Variants in RGS6 observed in about 807,000 individuals in gnomAD.
The protein encoded by RGS6 is regulator of G protein signaling 6, also known as regulator of G-protein signaling 6.
RGS6 carries 30 observed loss-of-function variants against 78.5 expected under a neutral mutation model. The observed-to-expected ratio is 0.38, with a 90% CI of 0.29 to 0.52. RGS6 has a LOEUF of 0.52. Ranked by LOEUF, RGS6 falls within the 20% of genes least tolerant of loss-of-function variation. RGS6 has a pLI of 0.85. For missense variants in RGS6, 495 were observed against 609.7 expected (o/e 0.81, Z 1.98); for synonymous variants, 206 against 206.0 (o/e 1.00, Z 0.00).
At chr14:72,445,389 C>T (rs2095338506) in intron 3 of RGS6, among the ~76,000 whole-genome samples, 1 of 152,122 alleles carries the variant, frequency 6.6e-6, no homozygotes, top group Non-Finnish European at 1.5e-5. Flanking sequence ...AGGGTTTCAC[C>T]ATGTTGGCCA....
At chr14:72,119,491 T>C (rs545617022) in intron 2 of RGS6, among the ~76,000 whole-genome samples, 34 of 152,332 alleles carry the variant, frequency 2.2e-4, no homozygotes, top group East Asian at 1.5e-3. Flanking sequence ...AGTTTGAGAA[T>C]GAATTTTCCA....
At chr14:72,312,935 G>A (rs547820387) in intron 2 of RGS6, among the ~76,000 whole-genome samples, 2 of 152,138 alleles carry the variant, frequency 1.3e-5, no homozygotes, top group African/African-American at 4.8e-5. Flanking sequence ...CTTTTTTGGA[G>A]CCCCTCATTC....
intron 2 of RGS6, among the ~76,000 whole-genome samples, chr14:72,116,174 C>A (rs752424469): frequency 3.3e-5 from 5 of 152,078 alleles, no homozygotes; most frequent in Non-Finnish European, 7.3e-5. Context: ...AAATAATATA[C>A]AAATATTGAC....
chr14:72,006,938 C>T (rs8008678), intron 2 of RGS6, among the ~76,000 whole-genome samples: 98,918 of 151,958 alleles, frequency 0.65, 33,065 homozygotes, highest in Non-Finnish European at 0.74. Flanking sequence ...GAAGTTTGGA[C>T]TTTGAGGAGG....
At chr14:72,427,995 G>A (rs1238805309) in intron 3 of RGS6, among the ~76,000 whole-genome samples, 2 of 152,160 alleles carry the variant, frequency 1.3e-5, no homozygotes, top group East Asian at 1.9e-4. Context: ...GTGGGAGCAG[G>A]TGAAAAGAAC....
chr14:72,153,249 T>C (rs2096719990), intron 2 of RGS6, among the ~76,000 whole-genome samples: 1 of 152,116 alleles, frequency 6.6e-6, no homozygotes, highest in Non-Finnish European at 1.5e-5. Flanking sequence ...GGAAACCTGG[T>C]ATTGGATGGG....
chr14:71,996,294 C>T (rs1328020136), intron 2 of RGS6, among the ~76,000 whole-genome samples: 4 of 151,886 alleles, frequency 2.6e-5, no homozygotes, highest in Non-Finnish European at 5.9e-5. Flanking sequence ...TATTTGTTGA[C>T]TGAATTTTTA....
At chr14:72,456,915 C>CA (rs932252301) in intron 4 of RGS6, among the ~76,000 whole-genome samples, 3 of 150,280 alleles carry the variant, frequency 2.0e-5, no homozygotes, top group Non-Finnish European at 4.4e-5. Flanking sequence ...CTACCTCTAC[C>CA]AAAAAAAATA....
At chr14:72,555,588 C>T (rs767234256) in intron 17 of RGS6, among the ~76,000 whole-genome samples, 4 of 152,206 alleles carry the variant, frequency 2.6e-5, no homozygotes, top group Non-Finnish European at 5.9e-5. Context: ...TGAGTGTTTC[C>T]ATCTGCCTCC....
intron 3 of RGS6, among the ~76,000 whole-genome samples, chr14:72,435,313 G>A (rs2153183737): frequency 6.6e-6 from 1 of 152,248 alleles, no homozygotes; most frequent in African/African-American, 2.4e-5. Flanking sequence ...TAATAGCCCT[G>A]CAAAGCAATC....
At position 72,439,957 on chromosome 14, in the gene RGS6, C is replaced by A. The variant is rs183007925; in HGVS notation, c.185-14571C>A. Among the ~76,000 whole-genome samples, 1,071 of 152,314 alleles carry A rather than the reference C, an allele frequency of 7.0e-3. 9 individuals are homozygous for A. Among genetic ancestry groups the A allele is most frequent in the South Asian group, 0.016 (79 of 4,824 alleles). ...GGTTGGAAACTTCCTCTAGTTGTTGCTCTAGCCGCAGGCTGCTCCACAATC... is the reference window on the plus strand; with the variant it reads ...GGTTGGAAACTTCCTCTAGTTGTTGATCTAGCCGCAGGCTGCTCCACAATC... On this transcript the variant is annotated intron_variant, in intron 3 of 17. Coordinates refer to ENST00000553525, the MANE Select transcript of RGS6 (RefSeq NM_001204424.2).
chr14:72,553,044 A>G (rs915414966), intron 17 of RGS6, among the ~76,000 whole-genome samples: 1 of 152,210 alleles, frequency 6.6e-6, no homozygotes, highest in African/African-American at 2.4e-5. Flanking sequence ...GCACTGGTGT[A>G]TGCACATGTG....
intron 2 of RGS6, among the ~76,000 whole-genome samples, chr14:71,982,394 C>T (rs988548631): frequency 5.9e-5 from 9 of 152,196 alleles, no homozygotes; most frequent in African/African-American, 9.7e-5. Flanking sequence ...GACAATGTTA[C>T]GTTACTTCTG....
intron 2 of RGS6, among the ~76,000 whole-genome samples, chr14:72,305,838 G>A (rs2067116247): frequency 6.6e-6 from 1 of 152,228 alleles, no homozygotes; most frequent in African/African-American, 2.4e-5. Flanking sequence ...TAAGCTTGGT[G>A]AGGAAAGCAT....
chr14:71,920,607 A>G, the RGS6 span, among the ~76,000 whole-genome samples: 2 of 147,098 alleles, frequency 1.4e-5, no homozygotes, highest in African/African-American at 5.0e-5. Flanking sequence ...CTTTCTGTGA[A>G]TTCCTTCTTG....
the RGS6 span, among the ~76,000 whole-genome samples, chr14:71,879,201 C>T: frequency 6.6e-6 from 1 of 152,066 alleles, no homozygotes; most frequent in Admixed American, 6.6e-5. Context: ...TTTCATTTGC[C>T]CTCTTTGAAA....
intron 2 of RGS6, among the ~76,000 whole-genome samples, chr14:72,020,776 A>G (rs2088251547): frequency 6.6e-6 from 1 of 152,238 alleles, no homozygotes; most frequent in South Asian, 2.1e-4. Context: ...GAAATAAACC[A>G]CACAAAGACC....
chr14:71,981,684 T>C (rs960672537), intron 2 of RGS6, among the ~76,000 whole-genome samples: 9 of 151,882 alleles, frequency 5.9e-5, no homozygotes, highest in South Asian at 2.1e-4. Context: ...CACTGCTCTC[T>C]TCAAAGCTGT....
At chr14:71,974,840 G>T (rs1274418097) in intron 2 of RGS6, among the ~76,000 whole-genome samples, 2 of 152,080 alleles carry the variant, frequency 1.3e-5, no homozygotes, top group African/African-American at 4.8e-5. Context: ...CTCAGTTCTT[G>T]TTTGTCTAAA....
Sources: allele counts gnomAD v4.1 joint callset (sites outside exome capture counted in the v4.1 genomes callset), GRCh38; gene constraint gnomAD v4.1.1; transcripts MANE v1.5; gene names NCBI Gene and HGNC (gene_info 2026-07-23, HGNC 2026-07-21).